Variants in KAT6B observed in about 807,000 individuals in gnomAD.
KAT6B encodes the protein lysine acetyltransferase 6B.
In KAT6B, 10 loss-of-function variants were observed where a neutral mutation model predicts 187.5. The observed-to-expected ratio is 0.05, with a 90% CI of 0.03 to 0.09. The LOEUF (loss-of-function observed/expected upper bound fraction) is 0.09. Among genes scored for constraint, KAT6B ranks in the 10% least tolerant of loss-of-function variants. The pLI, the probability that KAT6B is intolerant of heterozygous loss-of-function variation, is 1.00. For synonymous variants in KAT6B, 861 were observed against 926.8 expected, an observed-to-expected ratio of 0.93 and a Z score of 1.29; for missense variants, 1,952 against 2,558.9, an observed-to-expected ratio of 0.76 and a Z score of 5.12.
rs141525954 is a variant in KAT6B, at chr10:75,029,290, C to A, written c.4466C>A (p.Pro1489His). The A allele has an allele frequency of 6.2e-7, 1 of 1,613,918 alleles. No homozygotes were observed. The highest frequency in any genetic ancestry group is 1.3e-5 in the African/African-American group (1 of 74,844). The change falls in exon 18 of 18, where the codon CCC becomes CAC. Residue 1489 changes from proline to histidine, a missense_variant. This residue lies in a region of KAT6B where 758 missense variants were observed against 891.4 expected (regional missense o/e 0.85). Transcript: ENST00000287239. The surrounding 1 kb of genome is among the most constrained non-coding windows in gnomAD (Gnocchi z 6.2). ...CTGACAGCTTCTTGTAACAGTGAGC[C>A]CAAGGAGCTTGCTGGGGACCCTGAA... ...VDLTASCNSE[P>H]KELAGDPEAV... is the part of the protein sequence containing the mutation.
chr10:74,864,513 C>T (rs148214495), intron 3 of KAT6B, among the ~76,000 whole-genome samples: 173 of 152,140 alleles, frequency 1.1e-3, no homozygotes, highest in African/African-American at 3.2e-3. Flanking sequence ...TCTGTAAAGA[C>T]GCAACCATCC....
At chr10:74,919,770 T>C (rs1185782560) in intron 3 of KAT6B, among the ~76,000 whole-genome samples, 1 of 152,212 alleles carries the variant, frequency 6.6e-6, no homozygotes, top group Admixed American at 6.5e-5. Context: ...TCTCACTGTA[T>C]GCTCTATGCC....
In KAT6B at chr10:75,020,822, T is replaced by G; in HGVS notation, c.2861+9T>G. 1 of 1,611,780 alleles carries G rather than the reference T, an allele frequency of 6.2e-7. No homozygotes were observed. Among genetic ancestry groups the G allele is most frequent in the Non-Finnish European group, 8.5e-7 (1 of 1,178,622 alleles). On this transcript the variant is annotated intron_variant, in intron 14 of 17. Transcript: ENST00000287239. ...GACAAGAGAGATGGCAGGTGAGTCC[T>G]GGGACCCTGGGCAGCTCCGTGGCTC...
At chr10:74,945,702 A>G (rs932507634) in intron 3 of KAT6B, among the ~76,000 whole-genome samples, 1 of 152,082 alleles carries the variant, frequency 6.6e-6, no homozygotes, top group African/African-American at 2.4e-5. Flanking sequence ...CGCCCGCCTC[A>G]GCCTCCCAAA....
In KAT6B at chr10:74,975,869, G is replaced by A; in HGVS notation, c.1532G>A (p.Ser511Asn). The A allele has an allele frequency of 1.2e-6, 2 of 1,614,010 alleles. No homozygotes were observed. The highest frequency in any genetic ancestry group is 1.7e-6 in the Non-Finnish European group (2 of 1,180,016). The change falls in exon 8 of 18, where the codon AGC becomes AAC. Residue 511 changes from serine (S) to asparagine (N), a missense_variant. Around this residue, in one of 9 missense-constraint regions of KAT6B, gnomAD observed 417 missense variants for 508.9 expected, o/e 0.82. Coordinates refer to ENST00000287239, the MANE Select transcript of KAT6B (RefSeq NM_012330.4). ...CAGAGCCCCAGTTCACAAAAGTCCA[G>A]CACGGCCACTTCTTCTCCCTCTCCC... is the stretch of plus-strand genomic sequence containing the variant. Reference protein sequence around the residue: ...SGQSPSSQKSSTATSSPSPQS... With the variant: ...SGQSPSSQKSNTATSSPSPQS...
At chr10:74,884,437 T>C (rs1845085417) in intron 3 of KAT6B, among the ~76,000 whole-genome samples, 1 of 152,250 alleles carries the variant, frequency 6.6e-6, no homozygotes, top group South Asian at 2.1e-4. Context: ...AAATCTATTA[T>C]TATAAAAGCC....
chr10:74,894,866 T>C (rs1845877785), intron 3 of KAT6B, among the ~76,000 whole-genome samples: 1 of 152,186 alleles, frequency 6.6e-6, no homozygotes, highest in African/African-American at 2.4e-5. Context: ...TGAACACTAC[T>C]GCAGTGAACA....
intron 1 of KAT6B, among the ~76,000 whole-genome samples, chr10:74,827,942 C>G (rs1212089916): frequency 6.6e-6 from 1 of 152,140 alleles, no homozygotes; most frequent in Non-Finnish European, 1.5e-5. Context: ...CAGACGTGAG[C>G]TATGGCGACC....
intron 3 of KAT6B, among the ~76,000 whole-genome samples, chr10:74,894,239 G>A (rs976865122): frequency 2.6e-5 from 4 of 152,050 alleles, no homozygotes; most frequent in Admixed American, 1.3e-4. Flanking sequence ...GAGCCACCAC[G>A]CCCAGCTAAT....
chr10:74,913,460 A>C (rs1470755291), intron 3 of KAT6B, among the ~76,000 whole-genome samples: 1 of 152,174 alleles, frequency 6.6e-6, no homozygotes, highest in Non-Finnish European at 1.5e-5. Context: ...CTCTCTCAAA[A>C]TATCCTGTTG....
At chr10:74,856,563 T>C (rs1842841508) in intron 3 of KAT6B, among the ~76,000 whole-genome samples, 2 of 152,180 alleles carry the variant, frequency 1.3e-5, no homozygotes, top group Non-Finnish European at 2.9e-5. Flanking sequence ...TGTCTGACTG[T>C]ATCCTCATGA....
chr10:74,992,666 C>T (rs1181853814), intron 13 of KAT6B, among the ~76,000 whole-genome samples: 2 of 152,004 alleles, frequency 1.3e-5, no homozygotes, highest in Non-Finnish European at 2.9e-5. Context: ...ACTGCAAATG[C>T]AGGGCTTTGA....
intron 3 of KAT6B, among the ~76,000 whole-genome samples, chr10:74,862,997 G>T (rs990093360): frequency 6.6e-6 from 1 of 152,092 alleles, no homozygotes; most frequent in African/African-American, 2.4e-5. Context: ...GCTAGAATCC[G>T]TTTCTCTTTG....
intron 3 of KAT6B, among the ~76,000 whole-genome samples, chr10:74,865,533 T>G (rs193149590): frequency 1.3e-5 from 2 of 151,784 alleles, no homozygotes; most frequent in Non-Finnish European, 2.9e-5. Context: ...TTTTTTTTTT[T>G]GAGATGGAGT....
chr10:74,965,237 A>G (rs1293570843), intron 4 of KAT6B, among the ~76,000 whole-genome samples: 2 of 152,146 alleles, frequency 1.3e-5, no homozygotes, highest in African/African-American at 4.8e-5. Flanking sequence ...CCCTCTGTTC[A>G]TGCCATCTTC....
chr10:74,972,668 A>G lies in KAT6B; in HGVS notation c.1061+29A>G, dbSNP rs780408395. 8 of 1,598,980 alleles carry G rather than the reference A, an allele frequency of 5.0e-6. No individual in the cohort carries two copies. The African/African-American group carries it at 9.4e-5, about 19-fold the overall frequency. ...GGTTGAGATCTTATCAAAAGAAATC[A>G]TTTATGTTTTGCTTTAAAATATAGG... is the stretch of plus-strand genomic sequence containing the variant. On this transcript the variant is annotated intron_variant, in intron 7 of 17. Coordinates refer to ENST00000287239, the MANE Select transcript of KAT6B (RefSeq NM_012330.4).
At chr10:74,946,532 A>G (rs562822412) in intron 3 of KAT6B, among the ~76,000 whole-genome samples, 3 of 152,356 alleles carry the variant, frequency 2.0e-5, no homozygotes, top group African/African-American at 7.2e-5. Context: ...ATTTACAGTA[A>G]AATACTACTC....
At chr10:74,880,438 T>C (rs1844763645) in intron 3 of KAT6B, among the ~76,000 whole-genome samples, 1 of 152,256 alleles carries the variant, frequency 6.6e-6, no homozygotes, top group Non-Finnish European at 1.5e-5. Context: ...AAATAATAGT[T>C]CTTTGTATGG....
At chr10:74,878,205 A>T (rs189989825) in intron 3 of KAT6B, among the ~76,000 whole-genome samples, 3 of 152,270 alleles carry the variant, frequency 2.0e-5, no homozygotes, top group African/African-American at 7.2e-5. Context: ...CCCTTAAGAA[A>T]CTCAAAGAGG....
Sources: gnomAD v4.1 joint callset for allele counts (sites outside exome capture counted in the v4.1 genomes callset) on GRCh38, gnomAD v4.1.1 for gene constraint, gnomAD v4.1.1 regional missense constraint, Gnocchi (gnomAD v3.1) non-coding constraint, MANE v1.5 for transcripts, NCBI Gene and HGNC (gene_info 2026-07-23, HGNC 2026-07-21) for gene names.